PCCB: variants seen among roughly 807,000 people sequenced by gnomAD.
PCCB encodes propionyl-CoA carboxylase beta chain, mitochondrial.
PCCB carries 43 observed loss-of-function variants against 60.7 expected under a neutral mutation model. That is an observed-to-expected ratio of 0.71 (90% CI 0.55 to 0.91). PCCB has a LOEUF of 0.91. Among genes scored for constraint, PCCB ranks in the 40% least tolerant of loss-of-function variants. The probability of loss-of-function intolerance (pLI) is 0.00; values close to 1 mark genes in which losing one functional copy is unlikely to be tolerated. For synonymous variants in PCCB, 276 were observed against 255.9 expected (o/e 1.08, Z -0.75); for missense variants, 766 against 702.8 (o/e 1.09, Z -1.02).
chr3:136,319,741 C>G (rs983518818), intron 10 of PCCB, among the ~76,000 whole-genome samples: 1 of 152,020 alleles, frequency 6.6e-6, no homozygotes, highest in South Asian at 2.1e-4. Context: ...TGTATTTTTT[C>G]TTCTGTTGCA....
intron 3 of PCCB, among the ~76,000 whole-genome samples, chr3:136,258,752 A>C (rs1941743635): frequency 6.6e-6 from 1 of 152,076 alleles, no homozygotes; most frequent in South Asian, 2.1e-4. Context: ...TTAGAGAACA[A>C]ACATTCTCTG....
chr3:136,283,691 A>T (rs538798245), intron 5 of PCCB, 146 bp from the exon 6 acceptor site: 1 of 639,956 alleles, frequency 1.6e-6, no homozygotes, highest in African/African-American at 1.8e-5. Context: ...ATTCTTAAAG[A>T]ACTTCACTGA....
intron 9 of PCCB, among the ~76,000 whole-genome samples, chr3:136,310,977 C>T (rs1934641096): frequency 6.6e-6 from 1 of 152,100 alleles, no homozygotes; most frequent in South Asian, 2.1e-4. Context: ...CTGCATCTCA[C>T]CTAATAAAGA....
rs370402182 is a variant in PCCB at position 136,267,161 on chromosome 3, AG to A, written c.543+5098del. 1.8e-4 allele frequency among the ~76,000 whole-genome samples: 28 copies of A among 152,198 alleles called. No individual in the cohort carries two copies. In the East Asian group the frequency reaches 4.5e-3, roughly 24 times the overall value. ...TGGCCTCTAAAAGTGCTGGGGTTAC[AG>A]GCGTGAGCCAGCACACTCAGCCTAT... On this transcript the variant is annotated intron_variant, in intron 5 of 14. Coordinates refer to ENST00000251654, the MANE Select transcript of PCCB (RefSeq NM_000532.5).
chr3:136,271,700 A>G (rs1942206745), intron 5 of PCCB, among the ~76,000 whole-genome samples: 1 of 152,164 alleles, frequency 6.6e-6, no homozygotes, highest in African/African-American at 2.4e-5. Flanking sequence ...ATTTGTCTAT[A>G]TTAATTTTGT....
rs1313783374 is a variant in PCCB at position 136,283,889 on chromosome 3, C to T, written c.596C>T (p.Pro199Leu). The change falls in exon 6 of 15, where the codon CCA becomes CTA. Residue 199 changes from proline to leucine, a missense_variant. Physicochemically the swap from Pro to Leu is moderately conservative, Grantham distance 98. Coordinates refer to ENST00000251654, the MANE Select transcript of PCCB (RefSeq NM_000532.5). The stretch of plus-strand genomic sequence containing the variant: ...CCTCAGATTTCTCTGATCATGGGCC[C>T]ATGTGCTGGTGGGGCCGTCTACTCC... ...VIPQISLIMG[P>L]CAGGAVYSPA... 1.9e-6 allele frequency: 3 copies of T among 1,613,874 alleles called. No individual in the cohort carries two copies. The highest frequency in any genetic ancestry group is 2.5e-6 in the Non-Finnish European group (3 of 1,179,910).
intron 9 of PCCB, among the ~76,000 whole-genome samples, chr3:136,315,899 G>C (rs34428695): frequency 0.094 from 13,694 of 145,914 alleles, 854 homozygotes; most frequent in Middle Eastern, 0.14. Flanking sequence ...AAAAAAGAAT[G>C]TTCTTATGTG....
Position 136,268,114 on chromosome 3 carries a change from ATATATATG to A in PCCB, c.543+6057_543+6064del, listed in dbSNP as rs1234832106. Among the ~76,000 whole-genome samples, 86 of 129,650 alleles carry A rather than the reference ATATATATG, an allele frequency of 6.6e-4. 1 individual carries two copies. The highest frequency in any genetic ancestry group is 2.5e-3 in the African/African-American group (75 of 30,132). The allele number at this position is 129,650 out of a possible 152,430, so 85.1% of individuals were successfully genotyped here. A position where few individuals can be genotyped will look rare whatever the true frequency, so the allele number is the denominator to read the frequency against. The stretch of plus-strand genomic sequence containing the variant: ...TATATATATATATATATATATATAT[ATATATATG>A]TATATATATATATATATATCTACAT... On this transcript the variant is annotated intron_variant, in intron 5 of 14. Transcript: ENST00000251654.
At chr3:136,320,748 T>C (rs1413300305) in intron 10 of PCCB, among the ~76,000 whole-genome samples, 1 of 152,226 alleles carries the variant, frequency 6.6e-6, no homozygotes, top group Non-Finnish European at 1.5e-5. Context: ...GGATTTTCTA[T>C]ATATAGGGTC....
At chr3:136,326,339 T>C (rs979762385) in intron 10 of PCCB, 8 of 702,766 alleles carry the variant, frequency 1.1e-5, no homozygotes, top group Non-Finnish European at 1.8e-5. Context: ...CCATTTCCTT[T>C]ACTCCTTGGA....
chr3:136,299,179 C>A (rs1934077521), intron 8 of PCCB, among the ~76,000 whole-genome samples: 1 of 151,698 alleles, frequency 6.6e-6, no homozygotes, highest in Non-Finnish European at 1.5e-5. Context: ...GCATATGATT[C>A]CAAGGGAGAT....
At chr3:136,274,941 T>C (rs111762753) in intron 5 of PCCB, among the ~76,000 whole-genome samples, 1 of 151,878 alleles carries the variant, frequency 6.6e-6, no homozygotes, top group Non-Finnish European at 1.5e-5. Context: ...CTCCTGAGTA[T>C]CTGGGACTAC....
At chr3:136,277,238 G>A (rs1180232493) in intron 5 of PCCB, among the ~76,000 whole-genome samples, 3 of 152,184 alleles carry the variant, frequency 2.0e-5, no homozygotes, top group Non-Finnish European at 2.9e-5. Flanking sequence ...GGACCTCCTG[G>A]TTAGCCAGGG....
chr3:136,251,832 GTTAAC>G (rs1275743070), intron 1 of PCCB, among the ~76,000 whole-genome samples: 2 of 152,168 alleles, frequency 1.3e-5, no homozygotes, highest in African/African-American at 4.8e-5. Context: ...TTTTGCCAAA[GTTAAC>G]TTAGGAGGCT....
intron 9 of PCCB, among the ~76,000 whole-genome samples, chr3:136,302,889 G>A (rs1394503064): frequency 8.2e-6 from 1 of 122,036 alleles, no homozygotes; most frequent in African/African-American, 2.5e-5. Context: ...CTCAAAACCA[G>A]CCTGGACAAC....
At chr3:136,302,486 G>T (rs1934326951) in intron 9 of PCCB, among the ~76,000 whole-genome samples, 1 of 119,954 alleles carries the variant, frequency 8.3e-6, no homozygotes, top group Non-Finnish European at 1.9e-5. Context: ...TTTATATCCT[G>T]CTACCTATTA....
At chr3:136,251,323 A>G (rs1286561319) in intron 1 of PCCB, 2 of 456,550 alleles carry the variant, frequency 4.4e-6, no homozygotes, top group Non-Finnish European at 8.8e-6. Flanking sequence ...AGGCTTGCCC[A>G]GTGTGTCCGT....
chr3:136,314,625 C>T (rs759628160), intron 9 of PCCB, among the ~76,000 whole-genome samples: 9 of 151,926 alleles, frequency 5.9e-5, no homozygotes, highest in Non-Finnish European at 1.0e-4. Flanking sequence ...ACTGCACTCC[C>T]ACCTAGGTGG....
At chr3:136,292,465 G>A (rs1010854379) in intron 6 of PCCB, among the ~76,000 whole-genome samples, 1 of 152,128 alleles carries the variant, frequency 6.6e-6, no homozygotes, top group African/African-American at 2.4e-5. Flanking sequence ...TGAATAGTGA[G>A]TTCAGAGAGC....
Sources: gnomAD v4.1 joint callset for allele counts (sites outside exome capture counted in the v4.1 genomes callset) on GRCh38, gnomAD v4.1.1 for gene constraint, MANE v1.5 for transcripts, NCBI Gene and HGNC (gene_info 2026-07-23, HGNC 2026-07-21) for gene names.